The following CCND1 variants were observed in gnomAD, a reference collection of about 807,000 sequenced individuals.
CCND1 encodes the protein cyclin D1, also known as G1/S-specific cyclin-D1.
Under a neutral mutation model 26.1 loss-of-function variants are expected in CCND1, and 9 were observed. That is an observed-to-expected ratio of 0.35 (90% CI 0.21 to 0.60). CCND1 has a LOEUF of 0.60. Ranked by LOEUF, CCND1 falls within the 20% of genes least tolerant of loss-of-function variation. The pLI is 0.79. For missense variants in CCND1, 335 were observed against 392.9 expected, an observed-to-expected ratio of 0.85 and a Z score of 1.25; for synonymous variants, 194 against 166.1, an observed-to-expected ratio of 1.17 and a Z score of -1.29.
rs1187898588 is a variant in CCND1, at chr11:69,651,286, C to T, written c.*4C>T. The T allele has an allele frequency of 1.2e-5, 18 of 1,482,526 alleles. No homozygotes were observed. The South Asian group carries it at 1.2e-4, about 10-fold the overall frequency. The allele number at this position is 1,482,526 out of a possible 1,614,324, so 91.8% of individuals were successfully genotyped here. ...CGTGCGGGACGTGGACATCTGAGGGCGCCAGGCAGGCGGGCGCCACCGCCA... is the reference window on the plus strand; with the variant it reads ...CGTGCGGGACGTGGACATCTGAGGGTGCCAGGCAGGCGGGCGCCACCGCCA... On this transcript the variant is annotated 3_prime_UTR_variant, in exon 5 of 5. Transcript: ENST00000227507.
Position 69,641,437 on chromosome 11 carries a change from G to T in CCND1, c.124G>T (p.Val42Leu). 1 of 1,613,474 alleles carries T rather than the reference G, an allele frequency of 6.2e-7. No individual in the cohort carries two copies. The highest frequency in any genetic ancestry group is 8.5e-7 in the Non-Finnish European group (1 of 1,180,024). ...LKAEETCAPSVSYFKCVQKEV... is the reference protein window; with the variant it reads ...LKAEETCAPSLSYFKCVQKEV... Reference sequence around the variant, plus strand: ...GGCGGAGGAGACCTGCGCGCCCTCGGTGTCCTACTTCAAATGTGTGCAGAA... The same window carrying T: ...GGCGGAGGAGACCTGCGCGCCCTCGTTGTCCTACTTCAAATGTGTGCAGAA... Residue 42 changes from valine (V) to leucine (L), a missense_variant, in exon 1 of 5, where the codon GTG becomes TTG. Physicochemically the swap from Val to Leu is conservative, Grantham distance 32 (BLOSUM62 1). Transcript: ENST00000227507.
In CCND1 at chr11:69,651,503, G is replaced by A. The variant is rs1388087284; in HGVS notation, c.*221G>A. 2.1e-5 allele frequency: 9 copies of A among 422,914 alleles called. No homozygotes were observed. The highest frequency in any genetic ancestry group is 3.7e-5 in the Non-Finnish European group (9 of 244,146). 26.2% of individuals were successfully genotyped at this position (422,914 alleles called of 1,614,324 possible). A position where few individuals can be genotyped will look rare whatever the true frequency, so the allele number is the denominator to read the frequency against. ...AAAAACTGTCTTTAAAAGAGAGAGA[G>A]AGAAAAAAAAAATAGTATTTGCATA... On this transcript the variant is annotated 3_prime_UTR_variant, in exon 5 of 5. Coordinates refer to ENST00000227507, the MANE Select transcript of CCND1 (RefSeq NM_053056.3).
At chr11:69,650,130 G>A (rs375434858) in intron 4 of CCND1, among the ~76,000 whole-genome samples, 31 of 152,222 alleles carry the variant, frequency 2.0e-4, no homozygotes, top group African/African-American at 6.5e-4. Context: ...GCACCTGTGC[G>A]GCACGTGGTG....
chr11:69,647,626 G>A (rs1031570530), intron 3 of CCND1, among the ~76,000 whole-genome samples: 1 of 152,212 alleles, frequency 6.6e-6, no homozygotes, highest in African/African-American at 2.4e-5. Context: ...TCATATTTGC[G>A]TCATCTAATT....
chr11:69,641,985 T>C (rs1233762099), intron 1 of CCND1, among the ~76,000 whole-genome samples: 2 of 139,840 alleles, frequency 1.4e-5, no homozygotes, highest in Non-Finnish European at 3.1e-5. Flanking sequence ...GCTCTTTTAT[T>C]GCAAAGCAAA....
At chr11:69,650,522 TGCTGTGCCAGGCTGATG>T (rs1855840453) in intron 4 of CCND1, among the ~76,000 whole-genome samples, 1 of 152,156 alleles carries the variant, frequency 6.6e-6, no homozygotes, top group Non-Finnish European at 1.5e-5. Context: ...GGTGGATGCA[TGCTGTGCCAGGCTGATG>T]GCTGGCCCCG....
intron 4 of CCND1, among the ~76,000 whole-genome samples, chr11:69,648,410 C>G (rs1334733300): frequency 6.6e-6 from 1 of 152,220 alleles, no homozygotes; most frequent in African/African-American, 2.4e-5. Context: ...GCGAAGCGTC[C>G]GGGACGGAGG....
At chr11:69,649,735 G>A (rs1855831538) in intron 4 of CCND1, among the ~76,000 whole-genome samples, 1 of 152,178 alleles carries the variant, frequency 6.6e-6, no homozygotes, top group African/African-American at 2.4e-5. Flanking sequence ...CTGGAGTCTA[G>A]CTGCATGTGT....
chr11:69,643,259 CCCCGCCG>C lies in CCND1; in HGVS notation c.414+17_414+23del. ...CGAGGAGCTGCTGGTAACCACTGGA[CCCCGCCG>C]CCCCCCGCCCCCCGCGAGCCGCACG... On this transcript the variant is annotated intron_variant, in intron 2 of 4. Coordinates refer to ENST00000227507, the MANE Select transcript of CCND1 (RefSeq NM_053056.3). 6.5e-7 allele frequency: 1 copy of C among 1,531,464 alleles called. No individual in the cohort carries two copies. Among genetic ancestry groups the C allele is most frequent in the Non-Finnish European group, 8.8e-7 (1 of 1,135,108 alleles). The allele number at this position is 1,531,464 out of a possible 1,614,324, so 94.9% of individuals were successfully genotyped here.
At chr11:69,645,342 C>A (rs1401705334) in intron 3 of CCND1, among the ~76,000 whole-genome samples, 1 of 152,190 alleles carries the variant, frequency 6.6e-6, no homozygotes, top group East Asian at 1.9e-4. Context: ...GCACAGCCTC[C>A]CTACAGGGTG....
At chr11:69,647,936 G>C (rs531041668) in intron 3 of CCND1, 58 bp from the exon 4 acceptor site, 2 of 1,592,256 alleles carry the variant, frequency 1.3e-6, no homozygotes, top group Non-Finnish European at 1.7e-6. Context: ...CCCGGATCAC[G>C]GGGGCCCTGA....
chr11:69,643,274 C>T (rs1216328856), intron 2 of CCND1, 28 bp downstream of exon 2: 14 of 1,515,306 alleles, frequency 9.2e-6, no homozygotes, highest in Middle Eastern at 1.9e-4. Context: ...CCGCCCCCCG[C>T]CCCCCGCGAG....
At chr11:69,650,079 G>GC (rs1374600967) in intron 4 of CCND1, among the ~76,000 whole-genome samples, 1 of 152,212 alleles carries the variant, frequency 6.6e-6, no homozygotes, top group East Asian at 1.9e-4. Context: ...CGCCTGTCGT[G>GC]CTATGCCTTT....
intron 2 of CCND1, 125 bp downstream of exon 2, chr11:69,643,371 G>A: frequency 2.8e-6 from 2 of 715,762 alleles, no homozygotes; most frequent in Non-Finnish European, 4.2e-6. Flanking sequence ...AGGGAGGGCG[G>A]CCCCGCCGCC....
chr11:69,643,699 G>C, intron 2 of CCND1, 133 bp from the exon 3 acceptor site: 1 of 777,582 alleles, frequency 1.3e-6, no homozygotes, highest in Middle Eastern at 3.8e-4. Context: ...CCAACATCCA[G>C]GACCGCACGA....
At chr11:69,646,314 T>C (rs1490351935) in intron 3 of CCND1, among the ~76,000 whole-genome samples, 2 of 152,232 alleles carry the variant, frequency 1.3e-5, no homozygotes, top group Non-Finnish European at 2.9e-5. Flanking sequence ...GGATTTCTTT[T>C]TCTAAGTTGT....
intron 3 of CCND1, among the ~76,000 whole-genome samples, chr11:69,646,390 C>T (rs1203486404): frequency 2.0e-5 from 3 of 152,138 alleles, no homozygotes; most frequent in South Asian, 2.1e-4. Context: ...GGCCCCTCGC[C>T]GGCGGCCCTC....
At position 69,651,309 on chromosome 11, in the gene CCND1, C is replaced by A. The variant is rs1369045429; in HGVS notation, c.*27C>A. 6.9e-7 allele frequency: 1 copy of A among 1,441,254 alleles called. No homozygotes were observed. The highest frequency in any genetic ancestry group is 9.1e-7 in the Non-Finnish European group (1 of 1,093,440). 89.3% of individuals were successfully genotyped at this position (1,441,254 alleles called of 1,614,324 possible). ...GGCGCCAGGCAGGCGGGCGCCACCG[C>A]CACCCGCAGCGAGGGCGGAGCCGGC... On this transcript the variant is annotated 3_prime_UTR_variant, in exon 5 of 5. Transcript: ENST00000227507.
chr11:69,647,256 G>C (rs1311702321), intron 3 of CCND1, among the ~76,000 whole-genome samples: 1 of 151,338 alleles, frequency 6.6e-6, no homozygotes, highest in Non-Finnish European at 1.5e-5. Context: ...GTGGAGTTGG[G>C]GTGTACTTGG....
Sources: gnomAD v4.1 joint callset for allele counts (sites outside exome capture counted in the v4.1 genomes callset) on GRCh38, gnomAD v4.1.1 for gene constraint, MANE v1.5 for transcripts, NCBI Gene and HGNC (gene_info 2026-07-23, HGNC 2026-07-21) for gene names.